TRIB3: variants seen among roughly 807,000 people sequenced by gnomAD.
The protein encoded by TRIB3 is tribbles homolog 3.
TRIB3 carries 20 observed loss-of-function variants against 16.6 expected under a neutral mutation model. The observed-to-expected ratio is 1.20, with a 90% CI of 0.85 to 1.75. The LOEUF is 1.75. TRIB3 is among the 40% of genes most tolerant of loss of function. The probability of loss-of-function intolerance (pLI) is 0.00; values close to 1 mark genes in which losing one functional copy is unlikely to be tolerated. For synonymous variants in TRIB3, 208 were observed against 217.0 expected, an observed-to-expected ratio of 0.96 and a Z score of 0.36; for missense variants, 484 against 488.9, an observed-to-expected ratio of 0.99 and a Z score of 0.10.
chr20:388,251 C>T lies in TRIB3; in HGVS notation c.241C>T (p.Arg81Trp), dbSNP rs767907931. The T allele has an allele frequency of 3.7e-6, 6 of 1,613,238 alleles. No homozygotes were observed. In the African/African-American group the frequency reaches 4.0e-5, roughly 11 times the overall value. ...CCTCCTGGAGCCCGAGGAGGGCGGG[C>T]GGGCCTACCAGGCCCTGCACTGCCC... ...YVLLEPEEGG[R>W]AYQALHCPTG... Residue 81 changes from arginine to tryptophan, a missense_variant, in exon 2 of 4, where the codon CGG becomes TGG. By Grantham distance (101) the Arg-to-Trp change is moderately radical. Coordinates refer to ENST00000217233, the MANE Select transcript of TRIB3 (RefSeq NM_021158.5).
In TRIB3 at chr20:393,594, G is replaced by T. The variant is rs554652255; in HGVS notation, c.584+2015G>T. On this transcript the variant is annotated intron_variant, in intron 3 of 3. Coordinates refer to ENST00000217233, the MANE Select transcript of TRIB3 (RefSeq NM_021158.5). ...AGCCTCCCAAAATCCTGGGATTATA[G>T]GCGTGAGCCACTGCTCCTGGCCATA... Among the ~76,000 whole-genome samples the T allele has an allele frequency of 3.0e-4, 46 of 152,324 alleles. No individual in the cohort carries two copies. The South Asian group carries it at 9.1e-3, about 30-fold the overall frequency.
At chr20:389,581 C>T (rs933247107) in intron 2 of TRIB3, among the ~76,000 whole-genome samples, 5 of 152,178 alleles carry the variant, frequency 3.3e-5, no homozygotes, top group Admixed American at 2.6e-4. Flanking sequence ...GTGCACAGAT[C>T]TCCAGCGCCC....
At chr20:391,849 C>G (rs1412916726) in intron 3 of TRIB3, among the ~76,000 whole-genome samples, 1 of 152,108 alleles carries the variant, frequency 6.6e-6, no homozygotes, top group African/African-American at 2.4e-5. Flanking sequence ...TGGTGAAACT[C>G]CGTCTCTACT....
chr20:389,664 G>A (rs936495832), intron 2 of TRIB3, among the ~76,000 whole-genome samples: 2 of 152,118 alleles, frequency 1.3e-5, no homozygotes, highest in African/African-American at 2.4e-5. Flanking sequence ...TTCCACTCCC[G>A]CTGGGGAGGT....
chr20:389,510 A>AT (rs2014913325), intron 2 of TRIB3, among the ~76,000 whole-genome samples: 1 of 152,132 alleles, frequency 6.6e-6, no homozygotes, highest in Non-Finnish European at 1.5e-5. Flanking sequence ...GTTGACGGAG[A>AT]TGCAGTGAAC....
rs762538341 is a variant in TRIB3 at position 388,311 on chromosome 20, C to G, written c.291+10C>G. The G allele has an allele frequency of 5.0e-6, 8 of 1,589,502 alleles. No homozygotes were observed. In the Admixed American group the frequency reaches 1.2e-4, roughly 24 times the overall value. ...TGAGTATACCTGCAAGGTACGTGCC[C>G]ATGGGCGGCTGTCCCCCAGCACCAC... On this transcript the variant is annotated intron_variant, in intron 2 of 3. Transcript: ENST00000217233.
At chr20:394,416 C>T (rs137978894) in intron 3 of TRIB3, among the ~76,000 whole-genome samples, 49 of 152,280 alleles carry the variant, frequency 3.2e-4, no homozygotes, top group Non-Finnish European at 8.8e-5. Context: ...TAAGCTAGTA[C>T]ATAACTTCAA....
rs1050843144 is a variant in TRIB3 at position 381,015 on chromosome 20, G to A, written c.-155G>A. The A allele has an allele frequency of 6.8e-6, 1 of 147,198 alleles. No individual in the cohort carries two copies. Among genetic ancestry groups the A allele is most frequent in the African/African-American group, 2.4e-5 (1 of 40,898 alleles). 9.1% of individuals were successfully genotyped at this position (147,198 alleles called of 1,614,324 possible). A position where few individuals can be genotyped will look rare whatever the true frequency, so the allele number is the denominator to read the frequency against. The stretch of plus-strand genomic sequence containing the variant: ...CGAGACTCGCAGCGGAAGTGGAGGC[G>A]GCTCCGCGCGCGTCCGCTGCTAGGA... On this transcript the variant is annotated 5_prime_UTR_variant, in exon 1 of 4. Coordinates refer to ENST00000217233, the MANE Select transcript of TRIB3 (RefSeq NM_021158.5).
At chr20:390,942 C>G (rs1248049043) in intron 2 of TRIB3, among the ~76,000 whole-genome samples, 1 of 138,156 alleles carries the variant, frequency 7.2e-6, no homozygotes, top group Non-Finnish European at 1.5e-5. Context: ...GCGGAGTTTG[C>G]AGTGAGCTGA....
At chr20:393,740 C>T (rs67896217) in intron 3 of TRIB3, among the ~76,000 whole-genome samples, 24,602 of 152,148 alleles carry the variant, frequency 0.16, 2,478 homozygotes, top group East Asian at 0.3. Context: ...AACACAGAAT[C>T]GATAGGCCCC....
chr20:394,020 TTTTC>T (rs201162980), intron 3 of TRIB3, among the ~76,000 whole-genome samples: 9,229 of 149,550 alleles, frequency 0.062, 368 homozygotes, highest in East Asian at 0.21. Context: ...TTTTTCTTTT[TTTTC>T]TTTCTTTCTT....
Position 396,433 on chromosome 20 carries a change from C to A in TRIB3, c.820C>A (p.Arg274Ser), listed in dbSNP as rs200373395. ...SEPVLLFGKI[R>S]RGAYALPAGL... is the part of the protein sequence containing the mutation. Reference sequence around the variant, plus strand: ...GCCTGTCCTGCTCTTCGGCAAGATCCGCCGCGGGGCCTACGCCTTGCCTGC... The same window carrying A: ...GCCTGTCCTGCTCTTCGGCAAGATCAGCCGCGGGGCCTACGCCTTGCCTGC... Residue 274 changes from arginine to serine, a missense_variant, in exon 4 of 4, where the codon CGC becomes AGC. Transcript: ENST00000217233. 20 of 1,612,740 alleles carry A rather than the reference C, an allele frequency of 1.2e-5. No individual in the cohort carries two copies. The East Asian group carries it at 1.8e-4, about 14-fold the overall frequency.
Position 388,277 on chromosome 20 carries a change from T to C in TRIB3, c.267T>C (p.Pro89=). ...GGGCCTACCAGGCCCTGCACTGCCC[T>C]ACAGGCACTGAGTATACCTGCAAGG... ...GGRAYQALHC[P]TGTEYTCKVY... Residue 89 remains proline (P), a synonymous_variant, in exon 2 of 4, where the codon CCT becomes CCC. Transcript: ENST00000217233. 1 of 1,612,544 alleles carries C rather than the reference T, an allele frequency of 6.2e-7. No homozygotes were observed. Among genetic ancestry groups the C allele is most frequent in the East Asian group, 2.2e-5 (1 of 44,852 alleles).
chr20:382,445 G>GA, intron 1 of TRIB3: 2 of 1,304,392 alleles, frequency 1.5e-6, no homozygotes, highest in Non-Finnish European at 2.1e-6. Flanking sequence ...CACAAAGCAT[G>GA]TGCACAGCCA....
chr20:389,057 A>G (rs1304010441), intron 2 of TRIB3, among the ~76,000 whole-genome samples: 2 of 152,216 alleles, frequency 1.3e-5, no homozygotes, highest in African/African-American at 4.8e-5. Flanking sequence ...GGACACTGAC[A>G]AGTGACAGTC....
Position 391,660 on chromosome 20 carries a change from G to A in TRIB3, c.584+81G>A. 6 of 1,511,212 alleles carry A rather than the reference G, an allele frequency of 4.0e-6. No homozygotes were observed. In the African/African-American group the frequency reaches 5.5e-5, roughly 14 times the overall value. The allele number at this position is 1,511,212 out of a possible 1,614,324, so 93.6% of individuals were successfully genotyped here. A position where few individuals can be genotyped will look rare whatever the true frequency, so the allele number is the denominator to read the frequency against. ...TGGAGAGAAACCGAGGCCCAGGAAG[G>A]CAAGGTAACTTAGGCAAGAAGTGGG... On this transcript the variant is annotated intron_variant, in intron 3 of 3. Coordinates refer to ENST00000217233, the MANE Select transcript of TRIB3 (RefSeq NM_021158.5).
intron 1 of TRIB3, among the ~76,000 whole-genome samples, chr20:387,258 C>T (rs2014844040): frequency 6.6e-6 from 1 of 151,956 alleles, no homozygotes; most frequent in African/African-American, 2.4e-5. Flanking sequence ...ACCTGTAGTC[C>T]CAGCTACTTG....
At chr20:382,099 CTGTGTGTGTGTGTGTG>C (rs5839857) in intron 1 of TRIB3, among the ~76,000 whole-genome samples, 1 of 142,258 alleles carries the variant, frequency 7.0e-6, no homozygotes, top group African/African-American at 2.6e-5. Context: ...GCTGGGAGGG[CTGTGTGTGTGTGTGTG>C]TGTGTGTGTG....
chr20:396,852 A>T lies in TRIB3; in HGVS notation c.*162A>T. On this transcript the variant is annotated 3_prime_UTR_variant, in exon 4 of 4. Coordinates refer to ENST00000217233, the MANE Select transcript of TRIB3 (RefSeq NM_021158.5). ...GCTGTGTACACATCTGCTTTGTTCC[A>T]CACACATGCAGTTCCTGCTTGGGTG... 1 of 1,096,094 alleles carries T rather than the reference A, an allele frequency of 9.1e-7. No individual in the cohort carries two copies. The highest frequency in any genetic ancestry group is 1.3e-6 in the Non-Finnish European group (1 of 790,114). The allele number at this position is 1,096,094 out of a possible 1,614,324, so 67.9% of individuals were successfully genotyped here. A position where few individuals can be genotyped will look rare whatever the true frequency, so the allele number is the denominator to read the frequency against.
Sources: gnomAD v4.1 joint callset for allele counts (sites outside exome capture counted in the v4.1 genomes callset) on GRCh38, gnomAD v4.1.1 for gene constraint, MANE v1.5 for transcripts, NCBI Gene and HGNC (gene_info 2026-07-23, HGNC 2026-07-21) for gene names.